The following CMTM4 variants were observed in gnomAD, a reference collection of about 807,000 sequenced individuals.
CMTM4 encodes CKLF-like MARVEL transmembrane domain-containing protein 4.
In CMTM4, 8 loss-of-function variants were observed where a neutral mutation model predicts 19.0. The ratio of observed to expected loss-of-function variants is 0.42; its 90% CI spans 0.25 to 0.76. The LOEUF is 0.76. Among genes scored for constraint, CMTM4 ranks in the 30% least tolerant of loss-of-function variants. The pLI is 0.27. For missense variants in CMTM4, 228 were observed against 290.2 expected (o/e 0.79, Z 1.56); for synonymous variants, 106 against 121.1 (o/e 0.88, Z 0.82).
chr16:66,612,664 G>A (rs781315774), downstream of CMTM4: 29 of 1,612,396 alleles, frequency 1.8e-5, no homozygotes, highest in Non-Finnish European at 2.2e-5. The surrounding 1 kb of genome is among the most constrained non-coding windows in gnomAD (Gnocchi z 6.0). Context: ...TTGGCAACCT[G>A]AGCCACACAG....
chr16:66,654,397 G>C (rs1424134574), intron 1 of CMTM4, among the ~76,000 whole-genome samples: 1 of 152,162 alleles, frequency 6.6e-6, no homozygotes, highest in East Asian at 1.9e-4. Context: ...GTGCTCTCCA[G>C]GGCCTCGCCT....
chr16:66,638,668 G>A (rs570765564), intron 1 of CMTM4, among the ~76,000 whole-genome samples: 11 of 152,246 alleles, frequency 7.2e-5, no homozygotes, highest in African/African-American at 2.6e-4. Flanking sequence ...AGACCAGCCT[G>A]ATTAACACGG....
intron 1 of CMTM4, among the ~76,000 whole-genome samples, chr16:66,640,504 G>A (rs1022014183): frequency 6.6e-6 from 1 of 152,088 alleles, no homozygotes; most frequent in Non-Finnish European, 1.5e-5. Flanking sequence ...GACCCAAAGA[G>A]CGCTTGGGTG....
chr16:66,639,353 A>T (rs1054320751), intron 1 of CMTM4, among the ~76,000 whole-genome samples: 2 of 152,216 alleles, frequency 1.3e-5, no homozygotes, highest in Non-Finnish European at 2.9e-5. Context: ...TACATTCTTA[A>T]ATATTAACAT....
intron 1 of CMTM4, among the ~76,000 whole-genome samples, chr16:66,693,429 A>C (rs1412819574): frequency 6.6e-6 from 1 of 152,056 alleles, no homozygotes; most frequent in Non-Finnish European, 1.5e-5. Context: ...GTTAGAACTT[A>C]CTCATATTTC....
intron 1 of CMTM4, among the ~76,000 whole-genome samples, chr16:66,683,156 TATACGTATATATATATATAC>T (rs2016954966): frequency 4.0e-5 from 5 of 123,628 alleles, no homozygotes; most frequent in South Asian, 2.9e-4. Context: ...TGTATATATA[TATACGTATATATATATATAC>T]ATATGTATAT....
intron 1 of CMTM4, among the ~76,000 whole-genome samples, chr16:66,666,996 C>T (rs1470952762): frequency 2.0e-5 from 3 of 152,134 alleles, no homozygotes; most frequent in Non-Finnish European, 2.9e-5. Flanking sequence ...AATATACCCA[C>T]GTAACAAACC....
At position 66,696,150 on chromosome 16, in the gene CMTM4, G is replaced by A. The variant is rs2017229943; in HGVS notation, c.186+190C>T. Among the ~76,000 whole-genome samples the A allele has an allele frequency of 6.6e-6, 1 of 152,186 alleles. No homozygotes were observed. Among genetic ancestry groups the A allele is most frequent in the Non-Finnish European group, 1.5e-5 (1 of 68,018 alleles). The stretch of plus-strand genomic sequence containing the variant: ...GAGGCTGCCGGCCTGGGAAGGGCAG[G>A]CTCTGGCCGAAGGCGGGGTCCCCAG... On this transcript the variant is annotated intron_variant, in intron 1 of 3. Transcript: ENST00000394106. The surrounding 1 kb of genome is among the most constrained non-coding windows in gnomAD (Gnocchi z 4.3).
chr16:66,656,758 T>C (rs1292286006), intron 1 of CMTM4, among the ~76,000 whole-genome samples: 3 of 151,954 alleles, frequency 2.0e-5, no homozygotes, highest in Non-Finnish European at 4.4e-5. Context: ...CTGCCTCTGA[T>C]ATGATGCACT....
At position 66,671,729 on chromosome 16, in the gene CMTM4, G is replaced by T. The variant is rs75895207; in HGVS notation, c.186+24611C>A. ...TAGCTGGGAAAACTCTACCCAAATA[G>T]ACCATCAGATGCCCTCTGGCATTCA... On this transcript the variant is annotated intron_variant, in intron 1 of 3. Coordinates refer to ENST00000394106, the MANE Select transcript of CMTM4 (RefSeq NM_181521.3). Among the ~76,000 whole-genome samples the T allele has an allele frequency of 3.2e-3, 487 of 152,246 alleles. 1 individual carries two copies. Among genetic ancestry groups the T allele is most frequent in the Non-Finnish European group, 4.9e-3 (332 of 68,026 alleles).
At chr16:66,690,276 C>T (rs1480583087) in intron 1 of CMTM4, among the ~76,000 whole-genome samples, 1 of 152,160 alleles carries the variant, frequency 6.6e-6, no homozygotes, top group Non-Finnish European at 1.5e-5. Flanking sequence ...GTAAACAAAA[C>T]GCAGAACCCT....
In CMTM4 at chr16:66,623,452, G is replaced by A. The variant is rs757004048; in HGVS notation, c.414C>T (p.Ile138=). ...LSAFLFFIAS[I]VLAALNHRAG... is the part of the protein sequence containing the mutation. ...CTCTATGGTTTAAAGCAGCCAGTAC[G>A]ATTGAAGCAATAAAGAAAAGGAAAG... The change falls in exon 3 of 4, where the codon ATC becomes ATT. Residue 138 remains isoleucine, a synonymous_variant. Coordinates refer to ENST00000394106, the MANE Select transcript of CMTM4 (RefSeq NM_181521.3). 2.0e-5 allele frequency: 32 copies of A among 1,613,920 alleles called. No homozygotes were observed. The highest frequency in any genetic ancestry group is 1.6e-4 in the Middle Eastern group (1 of 6,082).
intron 1 of CMTM4, among the ~76,000 whole-genome samples, chr16:66,667,864 G>A (rs1314064896): frequency 6.6e-6 from 1 of 152,118 alleles, no homozygotes; most frequent in Non-Finnish European, 1.5e-5. Flanking sequence ...CTCCAACCTG[G>A]CTGATAGGGC....
chr16:66,609,216 GCCC>G, the CMTM4 span, among the ~76,000 whole-genome samples: 1 of 152,266 alleles, frequency 6.6e-6, no homozygotes, highest in African/African-American at 2.4e-5. This position sits in a 1 kb window ranked among gnomAD's most constrained non-coding sequence, Gnocchi z 4.4. Flanking sequence ...TAGGACAGCA[GCCC>G]CGCTGGACCC....
chr16:66,670,681 T>C (rs985464338), intron 1 of CMTM4, among the ~76,000 whole-genome samples: 6 of 151,808 alleles, frequency 4.0e-5, no homozygotes, highest in African/African-American at 1.5e-4. Flanking sequence ...GAACCTGTAG[T>C]CCCAGCTATT....
chr16:66,683,361 G>A (rs1336298773), intron 1 of CMTM4, among the ~76,000 whole-genome samples: 3 of 126,622 alleles, frequency 2.4e-5, no homozygotes, highest in Admixed American at 1.0e-4. Flanking sequence ...GCGTGATCTC[G>A]GCTCACTGCA....
intron 1 of CMTM4, among the ~76,000 whole-genome samples, chr16:66,652,559 T>G (rs1039317450): frequency 6.6e-6 from 1 of 152,240 alleles, no homozygotes; most frequent in Non-Finnish European, 1.5e-5. Flanking sequence ...AATTCAATTT[T>G]TTGGCAAGAT....
chr16:66,643,620 T>C (rs1392204077), intron 1 of CMTM4, among the ~76,000 whole-genome samples: 2 of 152,226 alleles, frequency 1.3e-5, no homozygotes, highest in African/African-American at 4.8e-5. Flanking sequence ...ATGTAGTGTA[T>C]GCAACTATAA....
chr16:66,622,124 G>C lies in CMTM4; in HGVS notation c.561C>G (p.Tyr187Ter). Residue 187 changes from tyrosine to a stop codon, truncating the protein, a stop_gained, in exon 4 of 4, where the codon TAC (tyrosine) becomes TAG (stop). Coordinates refer to ENST00000394106, the MANE Select transcript of CMTM4 (RefSeq NM_181521.3). LOFTEE classifies it high-confidence loss of function. The surrounding 1 kb of genome is among the most constrained non-coding windows in gnomAD (Gnocchi z 4.0). The stretch of plus-strand genomic sequence containing the variant: ...CCCTGGACTCCGTGCGGGCTCGGAT[G>C]TAGTCATTGGTGCTCTGCTGGCGGA... ...VSVRQQSTND[Y>*]IRARTESRDV... The C allele has an allele frequency of 6.2e-7, 1 of 1,610,828 alleles. No homozygotes were observed. The highest frequency in any genetic ancestry group is 1.1e-5 in the South Asian group (1 of 90,202).
Sources: gnomAD v4.1 joint callset for allele counts (sites outside exome capture counted in the v4.1 genomes callset) on GRCh38, gnomAD v4.1.1 for gene constraint, Gnocchi (gnomAD v3.1) non-coding constraint, MANE v1.5 for transcripts, NCBI Gene and HGNC (gene_info 2026-07-23, HGNC 2026-07-21) for gene names.